The following PUDP variants were observed in gnomAD, a reference collection of about 807,000 sequenced individuals.
PUDP encodes the protein pseudouridine 5'-phosphatase.
Under a neutral mutation model 9.4 loss-of-function variants are expected in PUDP, and 8 were observed. The observed-to-expected ratio is 0.85, with a 90% CI of 0.50 to 1.53. PUDP has a LOEUF of 1.53. PUDP is among the 40% of genes most tolerant of loss of function. PUDP has a pLI of 0.00. For synonymous variants in PUDP, 99 were observed against 80.7 expected, an observed-to-expected ratio of 1.23 and a Z score of -1.22; for missense variants, 188 against 189.7, an observed-to-expected ratio of 0.99 and a Z score of 0.05.
intron 1 of PUDP, among the ~76,000 whole-genome samples, chrX:7,131,161 C>T (rs1932610747): frequency 1.8e-5 from 2 of 111,593 alleles, no homozygotes; most frequent in Non-Finnish European, 3.8e-5. Context: ...CCTCTAATTT[C>T]GACTTCAGGA....
chrX:6,923,746 G>A (rs372186802), intron 3 of PUDP, among the ~76,000 whole-genome samples: 2 of 110,910 alleles, frequency 1.8e-5, no homozygotes, highest in East Asian at 2.8e-4. Context: ...TCTTCACCCC[G>A]CTAAAATGTT....
chrX:6,998,270 T>C (rs974404751), intron 1 of PUDP, among the ~76,000 whole-genome samples: 3 of 111,362 alleles, frequency 2.7e-5, no homozygotes, highest in Non-Finnish European at 5.6e-5. Flanking sequence ...TAATGCCTTG[T>C]ATGACACAAT....
chrX:6,979,296 ACT>A (rs982457847), intron 1 of PUDP, among the ~76,000 whole-genome samples: 1 of 110,223 alleles, frequency 9.1e-6, no homozygotes, highest in Non-Finnish European at 1.9e-5. Context: ...ATAGGTGGTC[ACT>A]CTCTGTCCCC....
At chrX:7,099,329 A>C (rs1044141606) in intron 2 of PUDP, among the ~76,000 whole-genome samples, 2 of 112,590 alleles carry the variant, frequency 1.8e-5, no homozygotes, top group Non-Finnish European at 3.8e-5. Context: ...ATACATTTCC[A>C]GTTGTAATAC....
intron 3 of PUDP, among the ~76,000 whole-genome samples, chrX:7,058,570 G>C (rs765977838): frequency 8.9e-6 from 1 of 112,005 alleles, no homozygotes; most frequent in Non-Finnish European, 1.9e-5. Flanking sequence ...TTTTAATTTT[G>C]ATTGGCAGTG....
intron 3 of PUDP, among the ~76,000 whole-genome samples, chrX:6,905,434 G>T (rs2146754376): frequency 8.9e-6 from 1 of 112,020 alleles, no homozygotes; most frequent in Non-Finnish European, 1.9e-5. Context: ...AGGGAAGAAG[G>T]TTAATTAACT....
chrX:7,013,435 T>A (rs1336871275), intron 1 of PUDP, among the ~76,000 whole-genome samples: 3 of 112,497 alleles, frequency 2.7e-5, no homozygotes, highest in Non-Finnish European at 5.6e-5. Context: ...TGGTTTTCCA[T>A]GCTATGATTC....
chrX:6,981,137 C>G (rs182973681), intron 1 of PUDP, among the ~76,000 whole-genome samples: 13 of 111,730 alleles, frequency 1.2e-4, no homozygotes, highest in Non-Finnish European at 2.1e-4. Context: ...AAATCTTCAC[C>G]CAAATCCTAT....
At chrX:7,000,443 A>G (rs975154606) in intron 1 of PUDP, among the ~76,000 whole-genome samples, 3 of 111,178 alleles carry the variant, frequency 2.7e-5, no homozygotes, top group Non-Finnish European at 5.7e-5. Context: ...TACCAAACCA[A>G]TGTAACTCCT....
chrX:7,105,640 G>A lies in PUDP; in HGVS notation c.260C>T (p.Pro87Leu), dbSNP rs1468489082. Reference sequence around the variant, plus strand: ...CGCACCTGGCATGAGCGCAGCCGTGGGGAACACTTCCTTTAACTTCGTTTG... The same window carrying A: ...CGCACCTGGCATGAGCGCAGCCGTGAGGAACACTTCCTTTAACTTCGTTTG... ...ESQTKLKEVF[P>L]TAALMPGAEK... is the part of the protein sequence containing the mutation. Residue 87 changes from proline to leucine, a missense_variant, in exon 2 of 4, where the codon CCC (proline) becomes CTC (leucine). Physicochemically the swap from Pro to Leu is moderately conservative, Grantham distance 98. Coordinates refer to ENST00000381077, the MANE Select transcript of PUDP (RefSeq NM_012080.5). 5.0e-6 allele frequency: 6 copies of A among 1,206,040 alleles called. No individual in the cohort carries two copies. The highest frequency in any genetic ancestry group is 6.7e-6 in the Non-Finnish European group (6 of 893,543).
chrX:6,934,483 T>C (rs370914980), intron 3 of PUDP, among the ~76,000 whole-genome samples: 21 of 106,534 alleles, frequency 2.0e-4, no homozygotes, highest in Admixed American at 5.1e-4. Context: ...CTGAAGGAAG[T>C]GCTAAACATG....
At chrX:7,056,450 A>G (rs1348992030) in intron 3 of PUDP, among the ~76,000 whole-genome samples, 1 of 112,056 alleles carries the variant, frequency 8.9e-6, no homozygotes, top group African/African-American at 3.2e-5. Flanking sequence ...CTGTGTCAGG[A>G]CATGCACATG....
intron 1 of PUDP, among the ~76,000 whole-genome samples, chrX:7,027,884 TCTATATATAGA>T (rs1337844455): frequency 3.7e-5 from 3 of 80,242 alleles, no homozygotes; most frequent in Non-Finnish European, 7.2e-5. Flanking sequence ...TATATTATTT[TCTATATATAGA>T]CTATATATAG....
intron 3 of PUDP, among the ~76,000 whole-genome samples, chrX:6,928,926 G>A (rs1039168359): frequency 7.2e-5 from 8 of 111,635 alleles, no homozygotes; most frequent in Non-Finnish European, 1.3e-4. Context: ...AAAACCCAGA[G>A]CCATAGTTAT....
chrX:6,792,253 G>A (rs769225906), intron 3 of PUDP, among the ~76,000 whole-genome samples: 9 of 110,259 alleles, frequency 8.2e-5, no homozygotes, highest in Non-Finnish European at 1.7e-4. Context: ...AGGGAACAGA[G>A]GATCCCACTG....
rs148840578 is a variant in PUDP, at chrX:6,939,243, A to G, written c.*247+37890T>C. 7.0e-3 allele frequency among the ~76,000 whole-genome samples: 760 copies of G among 109,328 alleles called. 8 individuals are homozygous for G. Among genetic ancestry groups the G allele is most frequent in the African/African-American group, 0.024 (715 of 30,348 alleles). 94.9% of individuals were successfully genotyped at this position (109,328 alleles called of 115,157 possible). A position where few individuals can be genotyped will look rare whatever the true frequency, so the allele number is the denominator to read the frequency against. On this transcript the variant is annotated intron_variant and NMD_transcript_variant, in intron 3 of 3. Transcript: ENST00000655425. ...TCCTTAAAGGAGTCAGAAAAACCATAAAACCATAGCATTAGATAAAGTAAT... is the reference window on the plus strand; with the variant it reads ...TCCTTAAAGGAGTCAGAAAAACCATGAAACCATAGCATTAGATAAAGTAAT...
chrX:7,141,913 T>A (rs988040950), intron 1 of PUDP, among the ~76,000 whole-genome samples: 2 of 112,440 alleles, frequency 1.8e-5, no homozygotes, highest in Admixed American at 1.9e-4. Context: ...TGACAGCACA[T>A]CTGTTTACAG....
chrX:6,897,907 A>AAAAAGC (rs1927616010), intron 3 of PUDP, among the ~76,000 whole-genome samples: 3 of 111,893 alleles, frequency 2.7e-5, no homozygotes, highest in Non-Finnish European at 5.6e-5. Flanking sequence ...AGAGCACAGC[A>AAAAAGC]TCTCCTCTGC....
At position 7,120,598 on chromosome X, in the gene PUDP, T is replaced by A. The variant is rs1932316642; in HGVS notation, c.62-14760A>T. On this transcript the variant is annotated intron_variant, in intron 1 of 3. Transcript: ENST00000381077. Reference sequence around the variant, plus strand: ...ATAGCAACTCTTTGGGCAGTTTCTTTAAAAGTTAACTATAAATTTACCATA... The same window carrying A: ...ATAGCAACTCTTTGGGCAGTTTCTTAAAAAGTTAACTATAAATTTACCATA... Among the ~76,000 whole-genome samples the A allele has an allele frequency of 1.8e-5, 2 of 112,592 alleles. 1 individual carries two copies. Among genetic ancestry groups the A allele is most frequent in the Non-Finnish European group, 3.7e-5 (2 of 53,341 alleles).
Sources: allele counts gnomAD v4.1 joint callset (sites outside exome capture counted in the v4.1 genomes callset), GRCh38; gene constraint gnomAD v4.1.1; transcripts MANE v1.5; gene names NCBI Gene and HGNC (gene_info 2026-07-23, HGNC 2026-07-21).